HAUS1: variants seen among roughly 807,000 people sequenced by gnomAD.
HAUS1 encodes HAUS augmin-like complex subunit 1.
Under a neutral mutation model 38.6 loss-of-function variants are expected in HAUS1, and 25 were observed. The observed-to-expected ratio is 0.65, with a 90% confidence interval of 0.47 to 0.91. The LOEUF is 0.91. Ranked by LOEUF, HAUS1 falls within the 40% of genes least tolerant of loss-of-function variation. The pLI is 0.00. For synonymous variants in HAUS1, 109 were observed against 112.9 expected (o/e 0.97, Z 0.22); for missense variants, 325 against 328.4 (o/e 0.99, Z 0.08).
At chr18:46,107,807 T>C (rs1350764390) in intron 2 of HAUS1, among the ~76,000 whole-genome samples, 1 of 152,148 alleles carries the variant, frequency 6.6e-6, no homozygotes, top group Non-Finnish European at 1.5e-5. Context: ...GATTGGAACT[T>C]TTGGAAATAT....
intron 6 of HAUS1, 39 bp from the exon 7 acceptor site, chr18:46,124,783 T>A: frequency 8.6e-7 from 1 of 1,159,638 alleles, no homozygotes; most frequent in Non-Finnish European, 1.3e-6. Context: ...GCATTGTGAA[T>A]GTTTCTATTA....
intron 2 of HAUS1, among the ~76,000 whole-genome samples, chr18:46,113,323 T>G (rs751905651): frequency 1.3e-4 from 19 of 151,900 alleles, no homozygotes; most frequent in Non-Finnish European, 2.5e-4. Context: ...GTGATCTGCC[T>G]GCCTTGGCCT....
At position 46,118,210 on chromosome 18, in the gene HAUS1, AGT is replaced by A. The variant is rs1377487979; in HGVS notation, c.239_240del (p.Val80GlufsTer9). 8.1e-6 allele frequency: 13 copies of A among 1,612,056 alleles called. No homozygotes were observed. The highest frequency in any genetic ancestry group is 1.1e-5 in the South Asian group (1 of 90,998). On this transcript the variant is annotated frameshift_variant, in exon 3 of 9. Coordinates refer to ENST00000282058, the MANE Select transcript of HAUS1 (RefSeq NM_138443.4). LOFTEE classifies it high-confidence loss of function. Reference protein sequence around the residue: ...AKYLQDLLMESVNFSPANLSS... With the variant: ...AKYLQDLLMEXVNFSPANLSS... ...GTATCTTCAAGACCTTCTCATGGAG[AGT>A]GTGAATTTTTCCCCCGCCAATCTCT...
intron 2 of HAUS1, among the ~76,000 whole-genome samples, chr18:46,116,603 A>G (rs1396157806): frequency 6.6e-6 from 1 of 152,032 alleles, no homozygotes; most frequent in Non-Finnish European, 1.5e-5. Context: ...CTCAATAATA[A>G]AAAGACAACC....
intron 8 of HAUS1, 123 bp downstream of exon 8, chr18:46,125,914 G>A (rs866968749): frequency 1.5e-6 from 1 of 659,108 alleles, no homozygotes; most frequent in Non-Finnish European, 2.7e-6. Flanking sequence ...TAAAGTTACT[G>A]TGTATCATTC....
rs78834043 is a variant in HAUS1 at position 46,120,059 on chromosome 18, G to A, written c.475G>A (p.Glu159Lys). The change falls in exon 4 of 9, where the codon GAG becomes AAG. Residue 159 changes from glutamate to lysine, a missense_variant and splice_region_variant. Coordinates refer to ENST00000282058, the MANE Select transcript of HAUS1 (RefSeq NM_138443.4). The part of the protein sequence containing the change: ...ATLVLEKCLQ[E>K]DVKKAELHLS... Reference sequence around the variant, plus strand: ...TTTAGTATTAGAAAAATGTCTACAAGAGTAAGTAATTGAGTTCAGAGTGGT... The same window carrying A: ...TTTAGTATTAGAAAAATGTCTACAAAAGTAAGTAATTGAGTTCAGAGTGGT... 731 of 1,588,064 alleles carry A rather than the reference G, an allele frequency of 4.6e-4. 5 individuals carry two copies. The East Asian group carries it at 8.2e-3, about 18-fold the overall frequency.
intron 2 of HAUS1, among the ~76,000 whole-genome samples, chr18:46,112,951 A>ATG (rs1911692979): frequency 3.6e-5 from 4 of 110,948 alleles, no homozygotes; most frequent in South Asian, 5.0e-4. Context: ...TATATATAAT[A>ATG]TATATAATAT....
intron 2 of HAUS1, among the ~76,000 whole-genome samples, chr18:46,116,113 G>A (rs183835258): frequency 2.8e-4 from 43 of 151,718 alleles, no homozygotes; most frequent in African/African-American, 9.9e-4. Context: ...CAGAAAAAGG[G>A]AAGGGAAGGG....
chr18:46,105,457 A>T, intron 2 of HAUS1, 89 bp downstream of exon 2: 1 of 1,126,254 alleles, frequency 8.9e-7, no homozygotes, highest in Non-Finnish European at 1.3e-6. Context: ...TTTACTGTAG[A>T]CTACTTGTTT....
chr18:46,125,032 G>T, intron 7 of HAUS1, 139 bp downstream of exon 7: 1 of 534,392 alleles, frequency 1.9e-6, no homozygotes, highest in Non-Finnish European at 3.4e-6. Context: ...GGACAAGGCA[G>T]GCTGATCACC....
intron 2 of HAUS1, among the ~76,000 whole-genome samples, chr18:46,112,455 CCATATTATATAT>C (rs1911672700): frequency 4.7e-5 from 1 of 21,416 alleles, no homozygotes; most frequent in Admixed American, 7.0e-4. Context: ...TGTATATATT[CCATATTATATAT>C]ATAATATATA....
chr18:46,123,218 AAAG>A, intron 5 of HAUS1, 78 bp from the exon 6 acceptor site: 1 of 1,003,436 alleles, frequency 1.0e-6, no homozygotes, highest in Non-Finnish European at 1.6e-6. Flanking sequence ...CTCAAAAAAA[AAAG>A]AAGAAAAAGA....
chr18:46,108,366 C>T (rs1911531136), intron 2 of HAUS1, among the ~76,000 whole-genome samples: 1 of 149,488 alleles, frequency 6.7e-6, no homozygotes, highest in Non-Finnish European at 1.5e-5. Context: ...CTCAGGCTGG[C>T]CTTAAACTTC....
At chr18:46,122,405 A>G (rs1911967777) in intron 4 of HAUS1, 62 bp from the exon 5 acceptor site, 2 of 1,523,660 alleles carry the variant, frequency 1.3e-6, no homozygotes, top group Non-Finnish European at 1.8e-6. Context: ...TAGAGTTTCT[A>G]TTGTACAATA....
intron 1 of HAUS1, 22 bp from the exon 2 acceptor site, chr18:46,105,172 T>G (rs1334758587): frequency 3.8e-6 from 6 of 1,561,088 alleles, no homozygotes; most frequent in Non-Finnish European, 5.3e-6. Context: ...CTTATAATAT[T>G]TGTCTTTCTT....
intron 8 of HAUS1, among the ~76,000 whole-genome samples, chr18:46,126,231 C>T (rs1032768968): frequency 9.9e-5 from 15 of 151,888 alleles, no homozygotes; most frequent in Admixed American, 6.6e-4. Context: ...ACTGAGATCA[C>T]GCCACTGCAC....
intron 2 of HAUS1, among the ~76,000 whole-genome samples, chr18:46,116,768 T>G (rs143673462): frequency 0.01 from 1,583 of 152,162 alleles, 9 homozygotes; most frequent in Non-Finnish European, 0.017. Flanking sequence ...ATCTCAACAC[T>G]TTGGGAGGCC....
At position 46,118,179 on chromosome 18, in the gene HAUS1, A is replaced by G. The variant is rs747881838; in HGVS notation, c.206-2A>G. 6.2e-7 allele frequency: 1 copy of G among 1,611,480 alleles called. No homozygotes were observed. Among genetic ancestry groups the G allele is most frequent in the South Asian group, 1.1e-5 (1 of 90,768 alleles). On this transcript the variant is annotated splice_acceptor_variant, in intron 2 of 8. Transcript: ENST00000282058. LOFTEE classifies it high-confidence loss of function. ...CACTATGGAACTCTTTCATGTTTTTAGCCAAGTATCTTCAAGACCTTCTCA... is the reference window on the plus strand; with the variant it reads ...CACTATGGAACTCTTTCATGTTTTTGGCCAAGTATCTTCAAGACCTTCTCA...
chr18:46,122,304 T>TAAA, intron 4 of HAUS1, among the ~76,000 whole-genome samples, 163 bp from the exon 5 acceptor site: 1 of 148,424 alleles, frequency 6.7e-6, no homozygotes, highest in African/African-American at 2.5e-5. Flanking sequence ...ACCTCATCTC[T>TAAA]TAAAAAAAAA....
Sources: gnomAD v4.1 joint callset for allele counts (sites outside exome capture counted in the v4.1 genomes callset) on GRCh38, gnomAD v4.1.1 for gene constraint, MANE v1.5 for transcripts, NCBI Gene and HGNC (gene_info 2026-07-23, HGNC 2026-07-21) for gene names.